The following TRIO variants were observed in gnomAD, a reference collection of about 807,000 sequenced individuals.
The protein encoded by TRIO is trio Rho guanine nucleotide exchange factor, also known as triple functional domain protein.
Under a neutral mutation model 351.9 loss-of-function variants are expected in TRIO, and 58 were observed. The observed-to-expected ratio is 0.16, with a 90% confidence interval of 0.13 to 0.21. TRIO has a LOEUF of 0.21. TRIO is among the 10% of genes least tolerant of loss of function. The pLI is 1.00. For synonymous variants in TRIO, 1,758 were observed against 1,595.7 expected, an observed-to-expected ratio of 1.10 and a Z score of -2.42; for missense variants, 3,201 against 4,027.8, an observed-to-expected ratio of 0.79 and a Z score of 5.56.
intron 9 of TRIO, among the ~76,000 whole-genome samples, chr5:14,328,056 C>T (rs1168702137): frequency 1.3e-5 from 2 of 152,190 alleles, no homozygotes; most frequent in Non-Finnish European, 2.9e-5. Flanking sequence ...AAATAATATA[C>T]TCAATGCATG....
At chr5:14,488,399 C>T (rs1014863906) in intron 48 of TRIO, 139 bp downstream of exon 48, 1 of 1,326,138 alleles carries the variant, frequency 7.5e-7, no homozygotes, top group African/African-American at 1.5e-5. Flanking sequence ...TGGGACCAGG[C>T]TAACCCTCCT....
chr5:14,290,315 G>A (rs13175673), intron 4 of TRIO, among the ~76,000 whole-genome samples: 19,262 of 152,252 alleles, frequency 0.13, 1,462 homozygotes, highest in Admixed American at 0.21. Flanking sequence ...GAAAAAGAAT[G>A]GGGAGAAGAA....
chr5:14,382,491 G>A lies in TRIO; in HGVS notation c.3570+1239G>A, dbSNP rs535876242. 1.3e-4 allele frequency among the ~76,000 whole-genome samples: 20 copies of A among 152,288 alleles called. No individual in the cohort carries two copies. In the East Asian group the frequency reaches 1.7e-3, roughly 13 times the overall value. On this transcript the variant is annotated intron_variant, in intron 21 of 56. Coordinates refer to ENST00000344204, the MANE Select transcript of TRIO (RefSeq NM_007118.4). ...GGCTGCAGAGAGACCAGGCATGGGG[G>A]GCGCAGCAAGAAGACCCGGCCCAGG...
rs200447498 is a variant in TRIO at position 14,508,206 on chromosome 5, C to T, written c.9078C>T (p.Phe3026=). ...GAGTGAGCCAGAAGGCCAAGGAGTT[C>T]GTGTGCTTCCTCCTGCAGGAGGACC... ...FKGVSQKAKE[F]VCFLLQEDPA... Residue 3026 remains phenylalanine (F), a synonymous_variant, in exon 57 of 57, where the codon TTC becomes TTT. Coordinates refer to ENST00000344204, the MANE Select transcript of TRIO (RefSeq NM_007118.4). 20 of 1,614,106 alleles carry T rather than the reference C, an allele frequency of 1.2e-5. No individual in the cohort carries two copies. The highest frequency in any genetic ancestry group is 3.3e-5 in the Admixed American group (2 of 60,030).
At chr5:14,224,838 A>G (rs1441942953) in intron 1 of TRIO, among the ~76,000 whole-genome samples, 1 of 152,160 alleles carries the variant, frequency 6.6e-6, no homozygotes, top group African/African-American at 2.4e-5. Flanking sequence ...GAAAGGGCAA[A>G]AAGTAGGATA....
intron 1 of TRIO, among the ~76,000 whole-genome samples, chr5:14,262,844 G>C (rs1426558485): frequency 2.0e-5 from 3 of 152,080 alleles, no homozygotes; most frequent in Non-Finnish European, 4.4e-5. Context: ...TGGATGTTCA[G>C]GGGGGCATGG....
At position 14,266,052 on chromosome 5, in the gene TRIO, C is replaced by G. The variant is rs7713188; in HGVS notation, c.158-4773C>G. On this transcript the variant is annotated intron_variant, in intron 1 of 56. Transcript: ENST00000344204. The stretch of plus-strand genomic sequence containing the variant: ...TGATTGATTCATTCATTCATCCATC[C>G]ATCTTTCTTTTCCTTTTCTTTTTTT... 5.3e-3 allele frequency among the ~76,000 whole-genome samples: 785 copies of G among 147,688 alleles called. 9 individuals are homozygous for G. The highest frequency in any genetic ancestry group is 0.019 in the African/African-American group (755 of 39,948).
chr5:14,460,060 C>T (rs569672992), intron 34 of TRIO, among the ~76,000 whole-genome samples: 53 of 152,170 alleles, frequency 3.5e-4, no homozygotes, highest in Non-Finnish European at 6.3e-4. Context: ...GGACTACAGG[C>T]GCCCACCACC....
intron 47 of TRIO, among the ~76,000 whole-genome samples, chr5:14,485,987 T>C (rs1397173907): frequency 6.7e-6 from 1 of 149,084 alleles, no homozygotes; most frequent in African/African-American, 2.5e-5. Context: ...AAACTCTGTC[T>C]CAAAAAAAAA....
At chr5:14,327,666 A>G (rs1257657543) in intron 9 of TRIO, among the ~76,000 whole-genome samples, 3 of 152,180 alleles carry the variant, frequency 2.0e-5, no homozygotes, top group African/African-American at 7.2e-5. Flanking sequence ...AATATATTAT[A>G]TAATTTAAAA....
intron 49 of TRIO, among the ~76,000 whole-genome samples, chr5:14,495,766 A>G (rs574224222): frequency 6.6e-6 from 1 of 151,502 alleles, no homozygotes; most frequent in Non-Finnish European, 1.5e-5. Context: ...CAAGAGATCG[A>G]GACCATCCTG....
chr5:14,316,542 C>G lies in TRIO; in HGVS notation c.1530C>G (p.Asp510Glu). The G allele has an allele frequency of 6.2e-7, 1 of 1,614,186 alleles. No homozygotes were observed. Among genetic ancestry groups the G allele is most frequent in the Non-Finnish European group, 8.5e-7 (1 of 1,180,036 alleles). Residue 510 changes from aspartate to glutamate, a missense_variant, in exon 9 of 57, where the codon GAC becomes GAG. By Grantham distance (45) the Asp-to-Glu change is conservative. This residue lies in a region of TRIO where 349 missense variants were observed against 449.3 expected (regional missense o/e 0.78). Transcript: ENST00000344204. ...GCCAAGATGGGAAGTCGCTCCTTGACAAGCTCCAGCGGCCCTTGACTCCCG... is the reference window on the plus strand; with the variant it reads ...GCCAAGATGGGAAGTCGCTCCTTGAGAAGCTCCAGCGGCCCTTGACTCCCG... ...EVSQDGKSLL[D>E]KLQRPLTPGS...
rs117272495 is a variant in TRIO, at chr5:14,297,863, C to T, written c.1368+600C>T. On this transcript the variant is annotated intron_variant, in intron 7 of 56. Coordinates refer to ENST00000344204, the MANE Select transcript of TRIO (RefSeq NM_007118.4). ...ACCTCAGCTCCACGCACCAGCTCCT[C>T]CTCAGCCACAGTGCTCACCCTCCGC... 4.7e-3 allele frequency among the ~76,000 whole-genome samples: 723 copies of T among 152,346 alleles called. 24 individuals carry two copies. The East Asian group carries it at 0.08, about 17-fold the overall frequency.
chr5:14,324,673 CT>C (rs1740207077), intron 9 of TRIO, among the ~76,000 whole-genome samples: 1 of 152,192 alleles, frequency 6.6e-6, no homozygotes, highest in Admixed American at 6.5e-5. Flanking sequence ...GGGCAGGTTA[CT>C]TATCCGAGCC....
At chr5:14,369,597 G>A (rs1171998165) in intron 18 of TRIO, 74 bp downstream of exon 18, 48 of 1,495,634 alleles carry the variant, frequency 3.2e-5, no homozygotes, top group South Asian at 9.5e-5. Context: ...CACAGTCATC[G>A]CTTCCCAAGG....
chr5:14,488,368 C>G, intron 48 of TRIO, 108 bp downstream of exon 48: 1 of 1,445,764 alleles, frequency 6.9e-7, no homozygotes, highest in South Asian at 1.4e-5. Flanking sequence ...GCGCTCTCCG[C>G]CGCCCGTTGC....
intron 34 of TRIO, among the ~76,000 whole-genome samples, chr5:14,434,204 C>T (rs972946351): frequency 1.3e-5 from 2 of 152,136 alleles, no homozygotes; most frequent in African/African-American, 4.8e-5. Flanking sequence ...TTCAACTAAT[C>T]TAAATAAAAA....
At chr5:14,460,105 A>G (rs1753660306) in intron 34 of TRIO, among the ~76,000 whole-genome samples, 1 of 151,940 alleles carries the variant, frequency 6.6e-6, no homozygotes, top group African/African-American at 2.4e-5. Flanking sequence ...TTTAGTAGAG[A>G]TGGGGTTTCA....
At chr5:14,245,628 C>G (rs147516113) in intron 1 of TRIO, among the ~76,000 whole-genome samples, 6 of 152,336 alleles carry the variant, frequency 3.9e-5, no homozygotes, top group Admixed American at 2.6e-4. Context: ...GTCTGCAGAT[C>G]AGTGGCCTTT....
Sources: allele counts gnomAD v4.1 joint callset (sites outside exome capture counted in the v4.1 genomes callset), GRCh38; gene constraint gnomAD v4.1.1; regional missense constraint gnomAD v4.1.1; transcripts MANE v1.5; gene names NCBI Gene and HGNC (gene_info 2026-07-23, HGNC 2026-07-21).